BRD3OS: variants seen among roughly 807,000 people sequenced by gnomAD.
BRD3OS encodes uncharacterized protein BRD3OS.
Position 134,029,906 on chromosome 9 carries a change from A to T in BRD3OS, c.*2904A>T, listed in dbSNP as rs1843484874. ...TGAGGCAAGAAATGATGCTCCCTTC[A>T]TCCTGCCAGGGCTCAGGACAAGAGC... On this transcript the variant is annotated 3_prime_UTR_variant, in exon 3 of 3. Coordinates refer to ENST00000603928, the MANE Select transcript of BRD3OS (RefSeq NM_001355256.2). 2 of 152,132 alleles carry T rather than the reference A, an allele frequency of 1.3e-5. No homozygotes were observed. Among genetic ancestry groups the T allele is most frequent in the Non-Finnish European group, 2.9e-5 (2 of 68,030 alleles). 9.4% of individuals were successfully genotyped at this position (152,132 alleles called of 1,614,324 possible).
rs1480835121 is a variant in BRD3OS at position 134,030,900 on chromosome 9, G to T, written c.*3898G>T. On this transcript the variant is annotated 3_prime_UTR_variant, in exon 3 of 3. Coordinates refer to ENST00000603928, the MANE Select transcript of BRD3OS (RefSeq NM_001355256.2). ...GACTTGTCACTACTCCTCTCCCCTT[G>T]AAAAAAGCATGTTAGAAGCTGCCCT... The T allele has an allele frequency of 8.6e-6, 2 of 231,626 alleles. No individual in the cohort carries two copies. Among genetic ancestry groups the T allele is most frequent in the African/African-American group, 2.2e-5 (1 of 45,228 alleles). The allele number at this position is 231,626 out of a possible 1,614,324, so 14.3% of individuals were successfully genotyped here. A position where few individuals can be genotyped will look rare whatever the true frequency, so the allele number is the denominator to read the frequency against.
rs1456025552 is a variant in BRD3OS at position 134,031,464 on chromosome 9, G to T, written c.*4462G>T. 4.9e-6 allele frequency: 1 copy of T among 202,438 alleles called. No homozygotes were observed. The highest frequency in any genetic ancestry group is 1.0e-5 in the Non-Finnish European group (1 of 98,982). 12.5% of individuals were successfully genotyped at this position (202,438 alleles called of 1,614,324 possible). A position where few individuals can be genotyped will look rare whatever the true frequency, so the allele number is the denominator to read the frequency against. ...GAATTCCTTAAATTCGGTTTAAATA[G>T]TCCATTAAAGATCTGTTTAGAAAAT... On this transcript the variant is annotated 3_prime_UTR_variant, in exon 3 of 3. Coordinates refer to ENST00000603928, the MANE Select transcript of BRD3OS (RefSeq NM_001355256.2).
In BRD3OS at chr9:134,028,793, G is replaced by T. The variant is rs1296027793; in HGVS notation, c.*1791G>T. The T allele has an allele frequency of 6.6e-6, 1 of 152,288 alleles. No homozygotes were observed. The highest frequency in any genetic ancestry group is 1.5e-5 in the Non-Finnish European group (1 of 68,066). The allele number at this position is 152,288 out of a possible 1,614,324, so 9.4% of individuals were successfully genotyped here. A position where few individuals can be genotyped will look rare whatever the true frequency, so the allele number is the denominator to read the frequency against. ...TCTGTGCAAACAGCATGTTCTGAAT[G>T]TGCCTGTACTCTGTTCGTGCTTCTC... is the stretch of plus-strand genomic sequence containing the variant. On this transcript the variant is annotated 3_prime_UTR_variant, in exon 3 of 3. Transcript: ENST00000603928.
rs1021765057 is a variant in BRD3OS at position 134,028,115 on chromosome 9, C to T, written c.*1113C>T. On this transcript the variant is annotated 3_prime_UTR_variant, in exon 3 of 3. Transcript: ENST00000603928. ...TTTAATACACTCCTCCCCTTCCTCA[C>T]ACTTATTTTTATCCTTGTTCGTAAT... The T allele has an allele frequency of 1.3e-5, 2 of 152,266 alleles. No homozygotes were observed. Among genetic ancestry groups the T allele is most frequent in the Non-Finnish European group, 2.9e-5 (2 of 68,046 alleles). 9.4% of individuals were successfully genotyped at this position (152,266 alleles called of 1,614,324 possible). A position where few individuals can be genotyped will look rare whatever the true frequency, so the allele number is the denominator to read the frequency against.
In BRD3OS at chr9:134,029,579, C is replaced by G. The variant is rs1236345071; in HGVS notation, c.*2577C>G. ...GCCTAGACGTGGGCCCAGCCAGAACCTTCTCCCCTGGCATGTCTCTTCCAG... is the reference window on the plus strand; with the variant it reads ...GCCTAGACGTGGGCCCAGCCAGAACGTTCTCCCCTGGCATGTCTCTTCCAG... On this transcript the variant is annotated 3_prime_UTR_variant, in exon 3 of 3. Transcript: ENST00000603928. The G allele has an allele frequency of 6.6e-6, 1 of 152,232 alleles. No homozygotes were observed. 9.4% of individuals were successfully genotyped at this position (152,232 alleles called of 1,614,324 possible).
chr9:134,025,625 TG>T (rs1448066764), intron 1 of BRD3OS, 89 bp downstream of exon 1: 1 of 149,902 alleles, frequency 6.7e-6, no homozygotes, highest in Admixed American at 6.7e-5. Context: ...GCGCGGGGTC[TG>T]GGGCGCGGGG....
In BRD3OS at chr9:134,028,180, AATTG is replaced by A. The variant is rs1843455853; in HGVS notation, c.*1183_*1186del. 6.6e-6 allele frequency: 1 copy of A among 152,236 alleles called. No homozygotes were observed. Among genetic ancestry groups the A allele is most frequent in the African/African-American group, 2.4e-5 (1 of 41,466 alleles). The allele number at this position is 152,236 out of a possible 1,614,324, so 9.4% of individuals were successfully genotyped here. On this transcript the variant is annotated 3_prime_UTR_variant, in exon 3 of 3. Transcript: ENST00000603928. ...CCCATTTTTTATAGCAGTAATATGT[AATTG>A]ATTGCTAAAGACTGCAATACACAAA...
rs1588265148 is a variant in BRD3OS, at chr9:134,029,422, A to C, written c.*2420A>C. 1 of 152,392 alleles carries C rather than the reference A, an allele frequency of 6.6e-6. No individual in the cohort carries two copies. The highest frequency in any genetic ancestry group is 2.4e-5 in the African/African-American group (1 of 41,478). 9.4% of individuals were successfully genotyped at this position (152,392 alleles called of 1,614,324 possible). The stretch of plus-strand genomic sequence containing the variant: ...GCCGCTTAGGCTGCAGGAAGACACC[A>C]TCTGCCTGGGGCGGACAAGGCCCCA... On this transcript the variant is annotated 3_prime_UTR_variant, in exon 3 of 3. Coordinates refer to ENST00000603928, the MANE Select transcript of BRD3OS (RefSeq NM_001355256.2).
intron 1 of BRD3OS, 90 bp from the exon 2 acceptor site, chr9:134,025,755 C>G (rs1843422058): frequency 6.6e-6 from 1 of 152,250 alleles, no homozygotes; most frequent in African/African-American, 2.4e-5. Flanking sequence ...GGGGAGGTCC[C>G]TGACGCTGCG....
Position 134,027,269 on chromosome 9 carries a change from C to T in BRD3OS, c.*267C>T, listed in dbSNP as rs1239853570. On this transcript the variant is annotated 3_prime_UTR_variant, in exon 3 of 3. Transcript: ENST00000603928. Reference sequence around the variant, plus strand: ...TGACATTTGAATTCTCCAGGTGCTGCTAGGGACAGCATAGGCCCGGGCACT... The same window carrying T: ...TGACATTTGAATTCTCCAGGTGCTGTTAGGGACAGCATAGGCCCGGGCACT... 3.4e-6 allele frequency: 1 copy of T among 292,040 alleles called. No individual in the cohort carries two copies. Among genetic ancestry groups the T allele is most frequent in the Non-Finnish European group, 6.3e-6 (1 of 159,410 alleles). 18.1% of individuals were successfully genotyped at this position (292,040 alleles called of 1,614,324 possible).
rs980744661 is a variant in BRD3OS, at chr9:134,030,874, C to T, written c.*3872C>T. ...TGTTCTCAAATCCAATTCCGACACACGACTTGTCACTACTCCTCTCCCCTT... is the reference window on the plus strand; with the variant it reads ...TGTTCTCAAATCCAATTCCGACACATGACTTGTCACTACTCCTCTCCCCTT... On this transcript the variant is annotated 3_prime_UTR_variant, in exon 3 of 3. Coordinates refer to ENST00000603928, the MANE Select transcript of BRD3OS (RefSeq NM_001355256.2). 8.2e-5 allele frequency: 19 copies of T among 232,014 alleles called. No homozygotes were observed. Among genetic ancestry groups the T allele is most frequent in the Non-Finnish European group, 1.4e-4 (16 of 117,352 alleles). 14.4% of individuals were successfully genotyped at this position (232,014 alleles called of 1,614,324 possible). A position where few individuals can be genotyped will look rare whatever the true frequency, so the allele number is the denominator to read the frequency against.
At position 134,026,041 on chromosome 9, in the gene BRD3OS, C is replaced by G. The variant is rs1175742676; in HGVS notation, c.-590C>G. On this transcript the variant is annotated 5_prime_UTR_variant, in exon 2 of 3. Transcript: ENST00000603928. This position sits in a 1 kb window ranked among gnomAD's most constrained non-coding sequence, Gnocchi z 4.4. The stretch of plus-strand genomic sequence containing the variant: ...CTCCCAGTGACTGAAAAAGCTGGCA[C>G]TGGGCGCCCGTCTCACTCTCCACCC... The G allele has an allele frequency of 6.6e-6, 1 of 152,666 alleles. No individual in the cohort carries two copies. The highest frequency in any genetic ancestry group is 2.4e-5 in the African/African-American group (1 of 41,368). 9.5% of individuals were successfully genotyped at this position (152,666 alleles called of 1,614,324 possible).
chr9:134,029,715 C>T lies in BRD3OS; in HGVS notation c.*2713C>T, dbSNP rs1044840794. Reference sequence around the variant, plus strand: ...GCTTTTGGGATTTTATTTGCATTTCCATTAGACTGAGCGCATCACAAGCCA... The same window carrying T: ...GCTTTTGGGATTTTATTTGCATTTCTATTAGACTGAGCGCATCACAAGCCA... On this transcript the variant is annotated 3_prime_UTR_variant, in exon 3 of 3. Coordinates refer to ENST00000603928, the MANE Select transcript of BRD3OS (RefSeq NM_001355256.2). 2 of 152,262 alleles carry T rather than the reference C, an allele frequency of 1.3e-5. No homozygotes were observed. The highest frequency in any genetic ancestry group is 4.8e-5 in the African/African-American group (2 of 41,456). The allele number at this position is 152,262 out of a possible 1,614,324, so 9.4% of individuals were successfully genotyped here. A position where few individuals can be genotyped will look rare whatever the true frequency, so the allele number is the denominator to read the frequency against.
In BRD3OS at chr9:134,030,497, A is replaced by G; in HGVS notation, c.*3495A>G. The stretch of plus-strand genomic sequence containing the variant: ...TTTTCAGTAACTGACATTTACAGGA[A>G]TATACTAGAAACGGCACTAAAAAGT... On this transcript the variant is annotated 3_prime_UTR_variant, in exon 3 of 3. Coordinates refer to ENST00000603928, the MANE Select transcript of BRD3OS (RefSeq NM_001355256.2). The G allele has an allele frequency of 4.9e-6, 1 of 204,338 alleles. No homozygotes were observed. Among genetic ancestry groups the G allele is most frequent in the Non-Finnish European group, 1.0e-5 (1 of 99,816 alleles). The allele number at this position is 204,338 out of a possible 1,614,324, so 12.7% of individuals were successfully genotyped here. A position where few individuals can be genotyped will look rare whatever the true frequency, so the allele number is the denominator to read the frequency against.
In BRD3OS at chr9:134,030,299, AC is replaced by A. The variant is rs368037755; in HGVS notation, c.*3298del. 0.05 allele frequency: 7,002 copies of A among 138,874 alleles called. 288 individuals are homozygous for A. Among genetic ancestry groups the A allele is most frequent in the Middle Eastern group, 0.077 (21 of 274 alleles). 8.6% of individuals were successfully genotyped at this position (138,874 alleles called of 1,614,324 possible). On this transcript the variant is annotated 3_prime_UTR_variant, in exon 3 of 3. Transcript: ENST00000603928. ...GCACAGGAAAATGCAAAAAAAAAAA[AC>A]AGTCTTTTTTTTTTTTTTTTTTTTT... is the stretch of plus-strand genomic sequence containing the variant.
In BRD3OS at chr9:134,028,035, CA is replaced by C. The variant is rs1843453805; in HGVS notation, c.*1036del. ...TCTCACTGACATCTCCTTGGCTACA[CA>C]AATGTGCAGGTGTCTCTTGTCAAAG... On this transcript the variant is annotated 3_prime_UTR_variant, in exon 3 of 3. Transcript: ENST00000603928. 1 of 152,250 alleles carries C rather than the reference CA, an allele frequency of 6.6e-6. No homozygotes were observed. The highest frequency in any genetic ancestry group is 2.4e-5 in the African/African-American group (1 of 41,458). 9.4% of individuals were successfully genotyped at this position (152,250 alleles called of 1,614,324 possible).
In BRD3OS at chr9:134,028,198, G is replaced by A. The variant is rs1466539731; in HGVS notation, c.*1196G>A. On this transcript the variant is annotated 3_prime_UTR_variant, in exon 3 of 3. Transcript: ENST00000603928. ...AATATGTAATTGATTGCTAAAGACT[G>A]CAATACACAAAGGCATAAAGCAAAG... The A allele has an allele frequency of 6.6e-6, 1 of 152,204 alleles. No homozygotes were observed. 9.4% of individuals were successfully genotyped at this position (152,204 alleles called of 1,614,324 possible).
rs1206359553 is a variant in BRD3OS at position 134,026,948 on chromosome 9, C to G, written c.201C>G (p.Asn67Lys). ...GNEAILVRDK[N>K]KLEVSRDTGQ... ...AGGCCATCTTGGTCCGAGACAAAAA[C>G]AAGCTCGAGGTCTCTAGGGACACAG... is the stretch of plus-strand genomic sequence containing the variant. Residue 67 changes from asparagine to lysine, a missense_variant, in exon 3 of 3, where the codon AAC (asparagine) becomes AAG (lysine). Physicochemically the swap from Asn to Lys is moderately conservative, Grantham distance 94 (BLOSUM62 0). Transcript: ENST00000603928. This position sits in a 1 kb window ranked among gnomAD's most constrained non-coding sequence, Gnocchi z 4.4. 2.0e-5 allele frequency: 8 copies of G among 398,860 alleles called. No homozygotes were observed. Among genetic ancestry groups the G allele is most frequent in the Non-Finnish European group, 3.5e-5 (8 of 226,090 alleles). The allele number at this position is 398,860 out of a possible 1,614,324, so 24.7% of individuals were successfully genotyped here.
In BRD3OS at chr9:134,027,919, C is replaced by A. The variant is rs1843451693; in HGVS notation, c.*917C>A. 6.6e-6 allele frequency: 1 copy of A among 152,260 alleles called. No homozygotes were observed. Among genetic ancestry groups the A allele is most frequent in the Admixed American group, 6.5e-5 (1 of 15,284 alleles). The allele number at this position is 152,260 out of a possible 1,614,324, so 9.4% of individuals were successfully genotyped here. ...CCACCAGACTTAAAGCATTCAACCA[C>A]TCTGCCCCCAGGCCGACACTGACAT... On this transcript the variant is annotated 3_prime_UTR_variant, in exon 3 of 3. Coordinates refer to ENST00000603928, the MANE Select transcript of BRD3OS (RefSeq NM_001355256.2).
Sources: gnomAD v4.1 joint callset for allele counts on GRCh38, gnomAD v4.1.1 for gene constraint, Gnocchi (gnomAD v3.1) non-coding constraint, MANE v1.5 for transcripts, NCBI Gene and HGNC (gene_info 2026-07-23, HGNC 2026-07-21) for gene names.